Variants in FRMD4A observed in about 807,000 individuals in gnomAD.
The protein encoded by FRMD4A is FERM domain containing 4A.
A neutral mutation model predicts 129.1 loss-of-function variants in FRMD4A; 29 were observed. The observed-to-expected ratio is 0.22, with a 90% CI of 0.17 to 0.31. The LOEUF is 0.31. FRMD4A is among the 10% of genes least tolerant of loss of function. The pLI, the probability that FRMD4A is intolerant of heterozygous loss-of-function variation, is 1.00. For missense variants in FRMD4A, 1,272 were observed against 1,375.8 expected (o/e 0.92, Z 1.19); for synonymous variants, 634 against 571.6 (o/e 1.11, Z -1.56).
chr10:14,034,317 G>A (rs1267657221), intron 2 of FRMD4A, among the ~76,000 whole-genome samples: 52 of 152,136 alleles, frequency 3.4e-4, no homozygotes, highest in Admixed American at 3.3e-3. Flanking sequence ...GGCAGGTCTC[G>A]GGGTTCCGAG....
intron 2 of FRMD4A, chr10:14,097,168 GAAAA>G (rs1837021972): frequency 1.3e-5 from 1 of 77,274 alleles, no homozygotes; most frequent in Non-Finnish European, 2.3e-5. Flanking sequence ...AAAAAAAAAA[GAAAA>G]GAAAAGAAAA....
intron 2 of FRMD4A, among the ~76,000 whole-genome samples, chr10:14,040,237 TACA>T (rs1833725772): frequency 6.6e-6 from 1 of 152,128 alleles, no homozygotes; most frequent in African/African-American, 2.4e-5. Context: ...CTTGTGTGTG[TACA>T]ACATTCTAAT....
intron 2 of FRMD4A, among the ~76,000 whole-genome samples, chr10:13,948,721 G>A (rs1407731517): frequency 2.7e-5 from 4 of 147,584 alleles, no homozygotes; most frequent in Non-Finnish European, 4.5e-5. Context: ...GCACAGTCTC[G>A]GCTCACTGCA....
At chr10:14,257,675 T>C (rs1205415540) in intron 2 of FRMD4A, among the ~76,000 whole-genome samples, 1 of 152,116 alleles carries the variant, frequency 6.6e-6, no homozygotes, top group Non-Finnish European at 1.5e-5. Flanking sequence ...CACGGAAACA[T>C]ACACAGAGGA....
chr10:13,733,439 TG>T (rs937830758), intron 12 of FRMD4A, among the ~76,000 whole-genome samples: 42 of 146,894 alleles, frequency 2.9e-4, no homozygotes, highest in Non-Finnish European at 5.8e-4. Context: ...TTCAAAGGCC[TG>T]GTTTTTTTTT....
rs922812137 is a variant in FRMD4A at position 13,821,736 on chromosome 10, G to A, written c.112-10828C>T. Among the ~76,000 whole-genome samples, 2 of 152,286 alleles carry A rather than the reference G, an allele frequency of 1.3e-5. No homozygotes were observed. The highest frequency in any genetic ancestry group is 2.1e-4 in the South Asian group (1 of 4,812). ...AGCGAATCAGTGGGAGAACTGAACC[G>A]CGGCACACAGGTGGGCATGGGTCAC... On this transcript the variant is annotated intron_variant, in intron 3 of 24. Coordinates refer to ENST00000357447, the MANE Select transcript of FRMD4A (RefSeq NM_018027.5). The surrounding 1 kb of genome is among the most constrained non-coding windows in gnomAD (Gnocchi z 4.3).
chr10:13,669,683 G>A (rs530388129), intron 17 of FRMD4A, among the ~76,000 whole-genome samples: 1 of 152,224 alleles, frequency 6.6e-6, no homozygotes, highest in Non-Finnish European at 1.5e-5. Flanking sequence ...TCCTGGGCAG[G>A]AGCCCTGGGC....
In FRMD4A at chr10:13,981,738, CA is replaced by C. The variant is rs55829400; in HGVS notation, c.46-122827del. 6.6e-3 allele frequency among the ~76,000 whole-genome samples: 639 copies of C among 97,418 alleles called. 2 individuals are homozygous for C. Among genetic ancestry groups the C allele is most frequent in the African/African-American group, 0.017 (554 of 32,448 alleles). 63.9% of individuals were successfully genotyped at this position (97,418 alleles called of 152,430 possible). A position where few individuals can be genotyped will look rare whatever the true frequency, so the allele number is the denominator to read the frequency against. ...TGGGCAACAGGGCAAGACTCCGTGT[CA>C]AAAAAAAAAAAAAAAAAAAAAAAAA... On this transcript the variant is annotated intron_variant, in intron 2 of 24. Coordinates refer to ENST00000357447, the MANE Select transcript of FRMD4A (RefSeq NM_018027.5).
At chr10:14,328,379 G>C (rs548747479) in intron 2 of FRMD4A, among the ~76,000 whole-genome samples, 9 of 109,836 alleles carry the variant, frequency 8.2e-5, no homozygotes, top group African/African-American at 1.6e-4. Context: ...TGGGGGGGGG[G>C]GGTGTATAAC....
intron 13 of FRMD4A, among the ~76,000 whole-genome samples, chr10:13,704,167 G>C (rs1292740926): frequency 1.3e-5 from 2 of 152,182 alleles, no homozygotes; most frequent in Non-Finnish European, 2.9e-5. Flanking sequence ...GCACCACTAG[G>C]ATGTGAAAAA....
intron 2 of FRMD4A, chr10:14,074,794 A>T (rs1835487646): frequency 6.6e-6 from 1 of 152,172 alleles, no homozygotes; most frequent in South Asian, 2.1e-4. Flanking sequence ...AGACTCATAC[A>T]GGACAGGAGG....
chr10:13,933,406 C>T (rs566463187), intron 2 of FRMD4A, among the ~76,000 whole-genome samples: 4 of 152,296 alleles, frequency 2.6e-5, no homozygotes, highest in East Asian at 1.9e-4. Context: ...ATGCTTGGGC[C>T]GTTCCCACAC....
intron 6 of FRMD4A, among the ~76,000 whole-genome samples, chr10:13,768,212 C>T (rs2092349706): frequency 6.6e-6 from 1 of 152,128 alleles, no homozygotes; most frequent in Non-Finnish European, 1.5e-5. Flanking sequence ...GGTCATTTAT[C>T]AGCAACACCA....
chr10:13,919,929 T>G (rs531513088), intron 2 of FRMD4A, among the ~76,000 whole-genome samples: 1 of 152,108 alleles, frequency 6.6e-6, no homozygotes, highest in Admixed American at 6.5e-5. Flanking sequence ...CAGAGTCAGA[T>G]CCTGTCTCAA....
intron 2 of FRMD4A, among the ~76,000 whole-genome samples, chr10:14,202,472 G>T (rs1190644083): frequency 2.6e-5 from 4 of 152,236 alleles, no homozygotes; most frequent in Non-Finnish European, 4.4e-5. Context: ...CGCTATCTCG[G>T]CTCACTGCAA....
At chr10:13,802,181 G>A (rs866305968) in intron 4 of FRMD4A, among the ~76,000 whole-genome samples, 5 of 152,184 alleles carry the variant, frequency 3.3e-5, no homozygotes, top group Admixed American at 1.3e-4. Context: ...GAAATTGGAC[G>A]CATTCATTTA....
At chr10:14,213,051 A>G (rs56192890) in intron 2 of FRMD4A, among the ~76,000 whole-genome samples, 7,277 of 152,178 alleles carry the variant, frequency 0.048, 285 homozygotes, top group Non-Finnish European at 0.07. Context: ...AGCTGTGGCA[A>G]CGTAGTGAGA....
At chr10:14,317,487 C>T (rs1009826057) in intron 2 of FRMD4A, among the ~76,000 whole-genome samples, 3 of 152,194 alleles carry the variant, frequency 2.0e-5, no homozygotes, top group South Asian at 2.1e-4. Flanking sequence ...TCTGCCATCA[C>T]ATTTATCTCA....
chr10:14,020,656 G>T (rs1011699225), intron 2 of FRMD4A, among the ~76,000 whole-genome samples: 2 of 151,146 alleles, frequency 1.3e-5, no homozygotes, highest in Admixed American at 1.3e-4. Context: ...CTGGAAAAAA[G>T]GCAGCCCCAA....
Sources: allele counts gnomAD v4.1 joint callset (sites outside exome capture counted in the v4.1 genomes callset), GRCh38; gene constraint gnomAD v4.1.1; non-coding constraint Gnocchi (gnomAD v3.1); transcripts MANE v1.5; gene names NCBI Gene and HGNC (gene_info 2026-07-23, HGNC 2026-07-21).